LCMT1: variants seen among roughly 807,000 people sequenced by gnomAD.
The protein encoded by LCMT1 is [Phosphatase 2A protein]-leucine-carboxy methyltransferase 1.
LCMT1 carries 32 observed loss-of-function variants against 47.7 expected under a neutral mutation model. That is an observed-to-expected ratio of 0.67 (90% CI 0.51 to 0.90). The LOEUF is 0.90. Ranked by LOEUF, LCMT1 falls within the 40% of genes least tolerant of loss-of-function variation. The pLI, the probability that LCMT1 is intolerant of heterozygous loss-of-function variation, is 0.00. For missense variants in LCMT1, 375 were observed against 415.2 expected, an observed-to-expected ratio of 0.90 and a Z score of 0.84; for synonymous variants, 152 against 149.7, an observed-to-expected ratio of 1.02 and a Z score of -0.11.
chr16:25,133,397 T>TTG (rs1960410954), intron 3 of LCMT1, among the ~76,000 whole-genome samples: 1 of 126,970 alleles, frequency 7.9e-6, no homozygotes, highest in Non-Finnish European at 1.7e-5. Flanking sequence ...TTTTTTTTTT[T>TTG]TTTTTTTTTT....
intron 9 of LCMT1, among the ~76,000 whole-genome samples, chr16:25,172,888 T>C (rs1567330470): frequency 6.6e-6 from 1 of 152,214 alleles, no homozygotes; most frequent in Admixed American, 6.5e-5. Flanking sequence ...TGCTTCTAGA[T>C]GCCCAGAAAG....
At chr16:25,112,105 G>T in intron 1 of LCMT1, 109 bp downstream of exon 1, 2 of 748,888 alleles carry the variant, frequency 2.7e-6, no homozygotes, top group Non-Finnish European at 4.7e-6. Flanking sequence ...TGCAGCCCCC[G>T]CCTCGCACGA....
intron 2 of LCMT1, chr16:25,132,154 A>C (rs755967134): frequency 1.9e-6 from 1 of 531,536 alleles, no homozygotes; most frequent in Admixed American, 2.7e-5. Flanking sequence ...ATAAAACTAT[A>C]GCTCATTTTT....
rs1036026188 is a variant in LCMT1 at position 25,117,496 on chromosome 16, C to T, written c.113+5500C>T. Among the ~76,000 whole-genome samples the T allele has an allele frequency of 3.3e-5, 5 of 152,178 alleles. No homozygotes were observed. In the East Asian group the frequency reaches 9.6e-4, roughly 29 times the overall value. On this transcript the variant is annotated intron_variant, in intron 1 of 10. Coordinates refer to ENST00000399069, the MANE Select transcript of LCMT1 (RefSeq NM_016309.3). ...TATTTCCAAAACTGCTTCATATCAG[C>T]TCCTCGTGTTCTCCCTGCCATTCCC...
intron 9 of LCMT1, among the ~76,000 whole-genome samples, chr16:25,172,437 C>G (rs914558923): frequency 1.1e-4 from 17 of 152,212 alleles, no homozygotes; most frequent in Non-Finnish European, 8.8e-5. Flanking sequence ...GTTTATTCAT[C>G]ATGTTTTCAT....
At chr16:25,156,521 T>C (rs560965550) in intron 5 of LCMT1, among the ~76,000 whole-genome samples, 9 of 152,288 alleles carry the variant, frequency 5.9e-5, no homozygotes, top group African/African-American at 2.2e-4. Flanking sequence ...AGGATTTCAG[T>C]TGGGCCGTGA....
intron 10 of LCMT1, 149 bp from the exon 11 acceptor site, chr16:25,177,852 C>A: frequency 1.4e-6 from 1 of 724,112 alleles, no homozygotes; most frequent in Non-Finnish European, 2.5e-6. Flanking sequence ...TGTTTCCTTG[C>A]GAAACCTCAT....
intron 1 of LCMT1, among the ~76,000 whole-genome samples, chr16:25,114,225 C>T (rs186459181): frequency 1.3e-5 from 2 of 152,302 alleles, no homozygotes; most frequent in East Asian, 3.9e-4. Flanking sequence ...TAGTTTGCTT[C>T]TTCCTTTGGT....
chr16:25,164,817 C>T, intron 7 of LCMT1, 99 bp downstream of exon 7: 2 of 1,500,698 alleles, frequency 1.3e-6, no homozygotes, highest in Admixed American at 1.7e-5. Context: ...CCTTTTCCTT[C>T]TGCCTCCAGC....
intron 1 of LCMT1, chr16:25,126,003 C>G: frequency 7.4e-7 from 1 of 1,345,418 alleles, no homozygotes; most frequent in Non-Finnish European, 9.8e-7. Flanking sequence ...CTCCTCCTCA[C>G]TGCCCAACAC....
chr16:25,159,698 G>A (rs1961362348), intron 5 of LCMT1, among the ~76,000 whole-genome samples: 1 of 152,078 alleles, frequency 6.6e-6, no homozygotes, highest in South Asian at 2.1e-4. Context: ...CTTATGGTGT[G>A]TAGCCATATG....
At chr16:25,127,835 A>G (rs1296646188) in intron 1 of LCMT1, among the ~76,000 whole-genome samples, 1 of 152,068 alleles carries the variant, frequency 6.6e-6, no homozygotes, top group East Asian at 1.9e-4. Context: ...GGTTCTACTC[A>G]TGGTTGCAAG....
At chr16:25,137,765 T>C (rs1424114696) in intron 3 of LCMT1, among the ~76,000 whole-genome samples, 2 of 152,160 alleles carry the variant, frequency 1.3e-5, no homozygotes, top group Non-Finnish European at 2.9e-5. Context: ...TTTAAAAAGA[T>C]AAATCCCAGC....
At chr16:25,169,443 TCAAA>T (rs1961688764) in intron 8 of LCMT1, 1 of 398,586 alleles carries the variant, frequency 2.5e-6, no homozygotes, top group Non-Finnish European at 4.6e-6. Context: ...ACGCAAATTT[TCAAA>T]CAAACATAAA....
rs78101789 is a variant in LCMT1, at chr16:25,132,397, C to G, written c.206-5C>G. 2.1e-3 allele frequency: 3,352 copies of G among 1,613,394 alleles called. 20 individuals carry two copies. The highest frequency in any genetic ancestry group is 0.02 in the African/African-American group (1,518 of 74,962). The stretch of plus-strand genomic sequence containing the variant: ...GCTTGTTTCTGTGCCTCCCCTCCCC[C>G]CTAGGATATTTTGCTCGAGTCCATG... On this transcript the variant is annotated splice_polypyrimidine_tract_variant and splice_region_variant and intron_variant, in intron 2 of 10. Coordinates refer to ENST00000399069, the MANE Select transcript of LCMT1 (RefSeq NM_016309.3).
chr16:25,166,252 C>G (rs1310695071), intron 7 of LCMT1, among the ~76,000 whole-genome samples: 1 of 143,954 alleles, frequency 6.9e-6, no homozygotes, highest in African/African-American at 2.6e-5. Flanking sequence ...CCTGAGTGAC[C>G]GAGCGAGACG....
chr16:25,132,399 T>A lies in LCMT1; in HGVS notation c.206-3T>A. 1 of 1,613,312 alleles carries A rather than the reference T, an allele frequency of 6.2e-7. No individual in the cohort carries two copies. The highest frequency in any genetic ancestry group is 8.5e-7 in the Non-Finnish European group (1 of 1,179,724). ...TTGTTTCTGTGCCTCCCCTCCCCCCTAGGATATTTTGCTCGAGTCCATGGT... is the reference window on the plus strand; with the variant it reads ...TTGTTTCTGTGCCTCCCCTCCCCCCAAGGATATTTTGCTCGAGTCCATGGT... On this transcript the variant is annotated splice_polypyrimidine_tract_variant and splice_region_variant and intron_variant, in intron 2 of 10. Coordinates refer to ENST00000399069, the MANE Select transcript of LCMT1 (RefSeq NM_016309.3).
At chr16:25,161,031 A>G in intron 5 of LCMT1, 71 bp from the exon 6 acceptor site, 1 of 935,692 alleles carries the variant, frequency 1.1e-6, no homozygotes, top group Non-Finnish European at 1.6e-6. Context: ...TAGTAAGGAA[A>G]AACCATAAGG....
chr16:25,121,255 C>T (rs912191687), intron 1 of LCMT1, among the ~76,000 whole-genome samples: 3 of 151,594 alleles, frequency 2.0e-5, no homozygotes, highest in African/African-American at 7.3e-5. Context: ...ACTAAAAATA[C>T]GAAAATTAGT....
Sources: allele counts gnomAD v4.1 joint callset (sites outside exome capture counted in the v4.1 genomes callset), GRCh38; gene constraint gnomAD v4.1.1; transcripts MANE v1.5; gene names NCBI Gene and HGNC (gene_info 2026-07-23, HGNC 2026-07-21).